The following PDS5A variants were observed in gnomAD, a reference collection of about 807,000 sequenced individuals.
The protein encoded by PDS5A is PDS5 cohesin associated factor A, also known as sister chromatid cohesion protein PDS5 homolog A.
A neutral mutation model predicts 167.1 loss-of-function variants in PDS5A; 42 were observed. The ratio of observed to expected loss-of-function variants is 0.25; its 90% CI spans 0.20 to 0.33. The LOEUF (loss-of-function observed/expected upper bound fraction) is 0.33. PDS5A is among the 10% of genes least tolerant of loss of function. The pLI, the probability that PDS5A is intolerant of heterozygous loss-of-function variation, is 1.00. For missense variants in PDS5A, 1,033 were observed against 1,605.9 expected, an observed-to-expected ratio of 0.64 and a Z score of 6.10; for synonymous variants, 553 against 554.6, an observed-to-expected ratio of 1.00 and a Z score of 0.04.
At chr4:39,859,640 A>G (rs1164073409) in intron 26 of PDS5A, among the ~76,000 whole-genome samples, 1 of 152,210 alleles carries the variant, frequency 6.6e-6, no homozygotes, top group Non-Finnish European at 1.5e-5. Context: ...GAAACAGTTC[A>G]ATTTCAGAGT....
At chr4:39,900,332 T>G (rs376926877) in intron 14 of PDS5A, 94 bp downstream of exon 14, 10 of 722,130 alleles carry the variant, frequency 1.4e-5, no homozygotes, top group South Asian at 1.7e-5. Flanking sequence ...ATAAAACAAC[T>G]GAGATACTTT....
chr4:39,960,932 C>T (rs1032051947), intron 2 of PDS5A, among the ~76,000 whole-genome samples: 1 of 152,146 alleles, frequency 6.6e-6, no homozygotes, highest in Non-Finnish European at 1.5e-5. Flanking sequence ...TCGTGATCCA[C>T]TTGCCTCGGC....
chr4:39,911,944 T>C (rs948856519), intron 9 of PDS5A, among the ~76,000 whole-genome samples: 1 of 152,044 alleles, frequency 6.6e-6, no homozygotes, highest in Non-Finnish European at 1.5e-5. Flanking sequence ...TGATAAATAA[T>C]GTGATCTGAA....
chr4:39,880,535 C>T (rs1392943903), intron 17 of PDS5A, among the ~76,000 whole-genome samples: 1 of 151,876 alleles, frequency 6.6e-6, no homozygotes, highest in Non-Finnish European at 1.5e-5. Flanking sequence ...TGAGAACATT[C>T]AATTATTATT....
chr4:39,898,687 A>T, intron 15 of PDS5A, 90 bp downstream of exon 15: 1 of 961,170 alleles, frequency 1.0e-6, no homozygotes, highest in Non-Finnish European at 1.6e-6. Flanking sequence ...ATTTTCTTTT[A>T]CTTAACATTA....
At chr4:39,976,936 G>A (rs962315642) in intron 1 of PDS5A, among the ~76,000 whole-genome samples, 4 of 152,092 alleles carry the variant, frequency 2.6e-5, no homozygotes, top group African/African-American at 9.7e-5. Context: ...CCGGGAGGCC[G>A]GCAAGGACCC....
At chr4:39,958,950 C>A (rs1284549209) in intron 2 of PDS5A, among the ~76,000 whole-genome samples, 1 of 152,142 alleles carries the variant, frequency 6.6e-6, no homozygotes, top group Non-Finnish European at 1.5e-5. Context: ...CATGCTTCTG[C>A]CTTTCTGCCA....
At chr4:39,839,847 G>A (rs1393627344) in intron 31 of PDS5A, among the ~76,000 whole-genome samples, 1 of 151,546 alleles carries the variant, frequency 6.6e-6, no homozygotes, top group Non-Finnish European at 1.5e-5. Flanking sequence ...CGTAATTCCA[G>A]CACTTTGGGA....
At chr4:39,841,453 A>C (rs1240919401) in intron 31 of PDS5A, among the ~76,000 whole-genome samples, 1 of 152,146 alleles carries the variant, frequency 6.6e-6, no homozygotes, top group Admixed American at 6.6e-5. Context: ...CCTATTCTTT[A>C]AAAGAGTTGA....
At chr4:39,841,096 C>CTGA (rs1321777867) in intron 31 of PDS5A, among the ~76,000 whole-genome samples, 1 of 152,080 alleles carries the variant, frequency 6.6e-6, no homozygotes, top group Non-Finnish European at 1.5e-5. Context: ...AAGCAAAGGG[C>CTGA]TGATCTCTGG....
intron 15 of PDS5A, 29 bp from the exon 16 acceptor site, chr4:39,898,557 G>C (rs1722615347): frequency 1.5e-6 from 2 of 1,349,726 alleles, no homozygotes; most frequent in Non-Finnish European, 2.0e-6. Flanking sequence ...ATCAATATTA[G>C]AGAAGGAAAA....
intron 26 of PDS5A, among the ~76,000 whole-genome samples, chr4:39,861,258 G>A (rs1266631681): frequency 6.6e-6 from 1 of 151,770 alleles, no homozygotes; most frequent in African/African-American, 2.4e-5. Flanking sequence ...CAGGAGAGCA[G>A]CCTGGCCAAC....
At chr4:39,912,830 T>A (rs977672681) in intron 9 of PDS5A, among the ~76,000 whole-genome samples, 1 of 152,162 alleles carries the variant, frequency 6.6e-6, no homozygotes, top group Admixed American at 6.5e-5. Context: ...AGAAGAAACA[T>A]TAAAAACTAT....
chr4:39,914,017 T>C (rs991444084), intron 8 of PDS5A, among the ~76,000 whole-genome samples: 2 of 152,124 alleles, frequency 1.3e-5, no homozygotes, highest in Non-Finnish European at 2.9e-5. Flanking sequence ...AGACATACAA[T>C]TCACTTCTAA....
At chr4:39,927,293 G>C (rs1308212823) in intron 3 of PDS5A, among the ~76,000 whole-genome samples, 1 of 152,118 alleles carries the variant, frequency 6.6e-6, no homozygotes, top group Non-Finnish European at 1.5e-5. Context: ...TGATTACGAA[G>C]TTGTGTGTGA....
In PDS5A at chr4:39,838,007, C is replaced by A; in HGVS notation, c.3859G>T (p.Asp1287Tyr). ...CCCTTGTTAATAGGTTTATTTAGAT[C>A]ATCATTTTTGGTAGCATTGCCCTGA... ...ESQGNATKNDDLNKPINKGRK... is the reference protein window; with the variant it reads ...ESQGNATKNDYLNKPINKGRK... The change falls in exon 32 of 33, where the codon GAT (aspartate) becomes TAT (tyrosine). Residue 1287 changes from aspartate to tyrosine, a missense_variant. Asp to Tyr is a radical substitution (Grantham distance 160, BLOSUM62 -3). This residue lies in a region of PDS5A where 233 missense variants were observed against 264.0 expected (regional missense o/e 0.88). Transcript: ENST00000303538. The A allele has an allele frequency of 6.2e-7, 1 of 1,613,984 alleles. No individual in the cohort carries two copies. The highest frequency in any genetic ancestry group is 1.7e-5 in the Admixed American group (1 of 60,012).
At chr4:39,863,230 T>G (rs1312980676) in intron 24 of PDS5A, 106 bp downstream of exon 24, 1 of 947,328 alleles carries the variant, frequency 1.1e-6, no homozygotes, top group African/African-American at 1.7e-5. Flanking sequence ...ATAATAGTAG[T>G]GACTTTTGTG....
chr4:39,877,411 T>A (rs1720551633), intron 18 of PDS5A, among the ~76,000 whole-genome samples: 1 of 152,178 alleles, frequency 6.6e-6, no homozygotes, highest in Non-Finnish European at 1.5e-5. Flanking sequence ...CCTCTTAGTC[T>A]ACTCTGCTAC....
At chr4:39,841,668 C>T (rs527607481) in intron 31 of PDS5A, among the ~76,000 whole-genome samples, 2 of 152,190 alleles carry the variant, frequency 1.3e-5, no homozygotes, top group South Asian at 2.1e-4. Context: ...CCAACCACCA[C>T]GCCCCGGTAA....
Sources: allele counts gnomAD v4.1 joint callset (sites outside exome capture counted in the v4.1 genomes callset), GRCh38; gene constraint gnomAD v4.1.1; regional missense constraint gnomAD v4.1.1; transcripts MANE v1.5; gene names NCBI Gene and HGNC (gene_info 2026-07-23, HGNC 2026-07-21).